STK35: variants seen among roughly 807,000 people sequenced by gnomAD.
STK35 encodes the protein serine/threonine-protein kinase 35.
Under a neutral mutation model 37.3 loss-of-function variants are expected in STK35, and 17 were observed. The observed-to-expected ratio is 0.46, with a 90% CI of 0.31 to 0.68. The LOEUF (loss-of-function observed/expected upper bound fraction) is 0.68. STK35 is among the 30% of genes least tolerant of loss of function. The pLI, the probability that STK35 is intolerant of heterozygous loss-of-function variation, is 0.05. For synonymous variants in STK35, 385 were observed against 319.1 expected (o/e 1.21, Z -2.20); for missense variants, 595 against 746.7 (o/e 0.80, Z 2.37).
intron 2 of STK35, among the ~76,000 whole-genome samples, chr20:2,105,750 C>T (rs569538091): frequency 6.6e-6 from 1 of 152,308 alleles, no homozygotes; most frequent in East Asian, 1.9e-4. Context: ...TACCCTCACC[C>T]CCTTCAAGAT....
chr20:2,117,591 C>T lies in STK35; in HGVS notation c.*37+176C>T, dbSNP rs1407596111. ...ACCTGGGTAGCTGGGATTACAGGCA[C>T]CTGCCATCATGCCCGGCTAATTTTT... On this transcript the variant is annotated intron_variant, in intron 3 of 3. Coordinates refer to ENST00000381482, the MANE Select transcript of STK35 (RefSeq NM_080836.4). This position sits in a 1 kb window ranked among gnomAD's most constrained non-coding sequence, Gnocchi z 4.4. Among the ~76,000 whole-genome samples, 1 of 152,144 alleles carries T rather than the reference C, an allele frequency of 6.6e-6. No individual in the cohort carries two copies. Among genetic ancestry groups the T allele is most frequent in the African/African-American group, 2.4e-5 (1 of 41,426 alleles).
At chr20:2,131,558 A>C (rs576916249) in intron 3 of STK35, among the ~76,000 whole-genome samples, 40 of 152,258 alleles carry the variant, frequency 2.6e-4, no homozygotes, top group Non-Finnish European at 5.6e-4. Flanking sequence ...GCTCTGGGTG[A>C]GTCAGTGAGT....
chr20:2,116,652 C>T lies in STK35; in HGVS notation c.893-14C>T. 6.2e-7 allele frequency: 1 copy of T among 1,604,736 alleles called. No individual in the cohort carries two copies. The highest frequency in any genetic ancestry group is 2.2e-5 in the East Asian group (1 of 44,714). ...CCATCTCACTCAAGCTCCTTCCTGT[C>T]TTCTTTGATTTAGGAGAAAGGATCC... On this transcript the variant is annotated splice_polypyrimidine_tract_variant and intron_variant, in intron 2 of 3. Transcript: ENST00000381482.
In STK35 at chr20:2,102,083, T is replaced by A; in HGVS notation, c.202T>A (p.Ser68Thr). Residue 68 changes from serine (S) to threonine (T), a missense_variant, in exon 1 of 4, where the codon TCC (serine) becomes ACC (threonine). Transcript: ENST00000381482. The part of the protein sequence containing the change: ...ARAATSRAAR[S>T]RRQPGPGADH... ...GGCCGCCACCTCCCGCGCTGCTCGG[T>A]CCCGGAGGCAGCCCGGGCCCGGAGC... The A allele has an allele frequency of 6.6e-7, 1 of 1,504,016 alleles. No individual in the cohort carries two copies. Among genetic ancestry groups the A allele is most frequent in the Non-Finnish European group, 8.9e-7 (1 of 1,128,362 alleles). The allele number at this position is 1,504,016 out of a possible 1,614,324, so 93.2% of individuals were successfully genotyped here.
intron 3 of STK35, among the ~76,000 whole-genome samples, chr20:2,127,636 G>A (rs747465531): frequency 3.3e-5 from 5 of 152,016 alleles, no homozygotes; most frequent in Non-Finnish European, 5.9e-5. Context: ...CACTGACATG[G>A]TCCAGAGGTC....
Position 2,102,959 on chromosome 20 carries a change from G to C in STK35, c.486G>C (p.Thr162=). ...RRSPVPRAPS[T]KLRPAAAARA... ...GCCCAGTGCCGCGGGCGCCCAGCAC[G>C]AAGCTGAGGCCGGCGGCGGCGGCCC... Residue 162 remains threonine (T), a synonymous_variant, in exon 2 of 4, where the codon ACG becomes ACC. Transcript: ENST00000381482. The C allele has an allele frequency of 1.4e-6, 2 of 1,461,838 alleles. No individual in the cohort carries two copies. The highest frequency in any genetic ancestry group is 1.8e-6 in the Non-Finnish European group (2 of 1,112,440). The allele number at this position is 1,461,838 out of a possible 1,614,324, so 90.6% of individuals were successfully genotyped here.
intron 3 of STK35, among the ~76,000 whole-genome samples, chr20:2,122,198 G>A (rs931675958): frequency 6.6e-6 from 1 of 152,112 alleles, no homozygotes; most frequent in Non-Finnish European, 1.5e-5. Flanking sequence ...GCCAGGTGTG[G>A]TGGCACATGC....
intron 3 of STK35, among the ~76,000 whole-genome samples, chr20:2,140,507 C>A (rs1008000674): frequency 2.6e-5 from 4 of 152,226 alleles, no homozygotes; most frequent in African/African-American, 9.6e-5. Flanking sequence ...CCTCCACTAC[C>A]TTCGGTGAGC....
Position 2,116,979 on chromosome 20 carries a change from C to T in STK35, c.1206C>T (p.Asn402=). ...GAGGCAAAGAGGGCAATCAAGACAA[C>T]AAAAATGTGAATGTGAATAAGTACT... ...APRGKEGNQD[N]KNVNVNKYWL... The change falls in exon 3 of 4, where the codon AAC becomes AAT. Residue 402 remains asparagine (N), a synonymous_variant. Transcript: ENST00000381482. 1 of 1,614,192 alleles carries T rather than the reference C, an allele frequency of 6.2e-7. No homozygotes were observed. The highest frequency in any genetic ancestry group is 8.5e-7 in the Non-Finnish European group (1 of 1,180,040).
intron 2 of STK35, among the ~76,000 whole-genome samples, chr20:2,114,103 G>A (rs187220318): frequency 6.6e-6 from 1 of 152,096 alleles, no homozygotes; most frequent in Non-Finnish European, 1.5e-5. Context: ...ATCTGGTCGT[G>A]AGGTAGCTGA....
intron 3 of STK35, among the ~76,000 whole-genome samples, chr20:2,133,910 CG>C (rs2122579178): frequency 6.6e-6 from 1 of 152,288 alleles, no homozygotes; most frequent in South Asian, 2.1e-4. Context: ...CATGCTGTCT[CG>C]GCTTTAAGCT....
Position 2,103,283 on chromosome 20 carries a change from G to C in STK35, c.810G>C (p.Gln270His). ...NVVQFEECVL[Q>H]RNGLAQRMSH... Reference sequence around the variant, plus strand: ...TGCAGTTTGAGGAGTGCGTCCTGCAGCGCAATGGGTTAGCCCAGCGCATGA... The same window carrying C: ...TGCAGTTTGAGGAGTGCGTCCTGCACCGCAATGGGTTAGCCCAGCGCATGA... The change falls in exon 2 of 4, where the codon CAG (glutamine) becomes CAC (histidine). Residue 270 changes from glutamine (Q) to histidine (H), a missense_variant. Physicochemically the swap from Gln to His is conservative, Grantham distance 24 (BLOSUM62 0). Transcript: ENST00000381482. 6.2e-7 allele frequency: 1 copy of C among 1,613,112 alleles called. No homozygotes were observed. Among genetic ancestry groups the C allele is most frequent in the Non-Finnish European group, 8.5e-7 (1 of 1,179,816 alleles).
intron 3 of STK35, among the ~76,000 whole-genome samples, chr20:2,140,440 T>C (rs1476847181): frequency 6.6e-6 from 1 of 152,146 alleles, no homozygotes; most frequent in Non-Finnish European, 1.5e-5. Flanking sequence ...GGAGGGTCTG[T>C]GCTTAAACTC....
chr20:2,120,021 G>T (rs1042473447), intron 3 of STK35, among the ~76,000 whole-genome samples: 24 of 152,198 alleles, frequency 1.6e-4, no homozygotes, highest in Non-Finnish European at 2.6e-4. Flanking sequence ...CCAAAGCTAG[G>T]TTTAGGGTAG....
chr20:2,103,161 G>A lies in STK35; in HGVS notation c.688G>A (p.Val230Ile). Residue 230 changes from valine (V) to isoleucine (I), a missense_variant, in exon 2 of 4, where the codon GTC becomes ATC. Val to Ile is a conservative substitution (Grantham distance 29, BLOSUM62 3). Coordinates refer to ENST00000381482, the MANE Select transcript of STK35 (RefSeq NM_080836.4). ...CGGGCGCAGCGGGGCCCGGGTGGCG[G>A]TCAAGAAGATCCGCTGCGACGCCCC... The part of the protein sequence containing the change: ...VAGRSGARVA[V>I]KKIRCDAPEN... 1 of 1,606,808 alleles carries A rather than the reference G, an allele frequency of 6.2e-7. No individual in the cohort carries two copies. Among genetic ancestry groups the A allele is most frequent in the Non-Finnish European group, 8.5e-7 (1 of 1,179,238 alleles).
At chr20:2,129,070 G>A (rs993372391) in intron 3 of STK35, among the ~76,000 whole-genome samples, 17 of 152,082 alleles carry the variant, frequency 1.1e-4, no homozygotes, top group African/African-American at 2.7e-4. Context: ...TGATCCACCC[G>A]CCTCGGCCTC....
intron 3 of STK35, among the ~76,000 whole-genome samples, chr20:2,124,010 C>G (rs1985863484): frequency 6.6e-6 from 1 of 152,170 alleles, no homozygotes; most frequent in Non-Finnish European, 1.5e-5. Flanking sequence ...CAAGTAAATT[C>G]CTGAAGGTCA....
Position 2,102,954 on chromosome 20 carries a change from A to T in STK35, c.481A>T (p.Ser161Cys). Residue 161 changes from serine (S) to cysteine (C), a missense_variant, in exon 2 of 4, where the codon AGC becomes TGC. This residue lies in a region of STK35 where 389 missense variants were observed against 320.0 expected (regional missense o/e 1.22). Coordinates refer to ENST00000381482, the MANE Select transcript of STK35 (RefSeq NM_080836.4). ...GCGAAGCCCAGTGCCGCGGGCGCCC[A>T]GCACGAAGCTGAGGCCGGCGGCGGC... ...KRRSPVPRAP[S>C]TKLRPAAAAR... 1 of 1,475,566 alleles carries T rather than the reference A, an allele frequency of 6.8e-7. No homozygotes were observed. The allele number at this position is 1,475,566 out of a possible 1,614,324, so 91.4% of individuals were successfully genotyped here. A position where few individuals can be genotyped will look rare whatever the true frequency, so the allele number is the denominator to read the frequency against.
rs1393357256 is a variant in STK35, at chr20:2,146,097, G to A, written c.*2351G>A. 6.6e-6 allele frequency: 1 copy of A among 152,204 alleles called. No individual in the cohort carries two copies. Among genetic ancestry groups the A allele is most frequent in the African/African-American group, 2.4e-5 (1 of 41,436 alleles). 9.4% of individuals were successfully genotyped at this position (152,204 alleles called of 1,614,324 possible). On this transcript the variant is annotated 3_prime_UTR_variant, in exon 4 of 4. Transcript: ENST00000381482. Reference sequence around the variant, plus strand: ...CCCCTCATCTTCCAGTTCTTGCTTAGTGGCACGACCTCTTTCCATAGCATA... The same window carrying A: ...CCCCTCATCTTCCAGTTCTTGCTTAATGGCACGACCTCTTTCCATAGCATA...
Sources: gnomAD v4.1 joint callset for allele counts (sites outside exome capture counted in the v4.1 genomes callset) on GRCh38, gnomAD v4.1.1 for gene constraint, gnomAD v4.1.1 regional missense constraint, Gnocchi (gnomAD v3.1) non-coding constraint, MANE v1.5 for transcripts, NCBI Gene and HGNC (gene_info 2026-07-23, HGNC 2026-07-21) for gene names.